Variants in TMC1 observed in about 807,000 individuals in gnomAD.
TMC1 encodes transmembrane channel-like protein 1.
Under a neutral mutation model 105.8 loss-of-function variants are expected in TMC1, and 84 were observed. That is an observed-to-expected ratio of 0.79 (90% CI 0.67 to 0.95). The LOEUF (loss-of-function observed/expected upper bound fraction) is 0.95, where lower values mean the gene tolerates loss of function less well. TMC1 is among the 40% of genes least tolerant of loss of function. The probability of loss-of-function intolerance (pLI) is 0.00; values close to 1 mark genes in which losing one functional copy is unlikely to be tolerated. For synonymous variants in TMC1, 315 were observed against 311.5 expected, an observed-to-expected ratio of 1.01 and a Z score of -0.12; for missense variants, 817 against 914.1, an observed-to-expected ratio of 0.89 and a Z score of 1.37.
At chr9:72,562,958 C>T (rs1824083692) in intron 1 of TMC1, among the ~76,000 whole-genome samples, 2 of 151,974 alleles carry the variant, frequency 1.3e-5, no homozygotes, top group Non-Finnish European at 2.9e-5. Flanking sequence ...GAACAAGACT[C>T]CGTCTCAAAT....
intron 17 of TMC1, among the ~76,000 whole-genome samples, chr9:72,799,348 A>G (rs1828430027): frequency 6.6e-6 from 1 of 152,126 alleles, no homozygotes; most frequent in African/African-American, 2.4e-5. Flanking sequence ...ATAAAAATTG[A>G]AGGACTAGCA....
chr9:72,644,432 G>T (rs993727237), intron 4 of TMC1, among the ~76,000 whole-genome samples: 1 of 151,972 alleles, frequency 6.6e-6, no homozygotes, highest in African/African-American at 2.4e-5. Flanking sequence ...GTTAATTTTT[G>T]TATATGGTAT....
At chr9:72,728,291 T>A (rs1430781744) in intron 8 of TMC1, among the ~76,000 whole-genome samples, 1 of 152,152 alleles carries the variant, frequency 6.6e-6, no homozygotes, top group Non-Finnish European at 1.5e-5. Flanking sequence ...ATGGGGGAAC[T>A]AATGGAAAAT....
In TMC1 at chr9:72,629,051, A is replaced by G. The variant is rs544847809; in HGVS notation, c.-53+988A>G. Among the ~76,000 whole-genome samples the G allele has an allele frequency of 2.7e-3, 415 of 152,304 alleles. 3 individuals carry two copies. Among genetic ancestry groups the G allele is most frequent in the Middle Eastern group, 0.014 (4 of 294 alleles). ...GTCTACTATTTATTGAGCCACTACT[A>G]TATGCCATATTCTTTACCTATGTTC... On this transcript the variant is annotated intron_variant, in intron 4 of 23. Coordinates refer to ENST00000297784, the MANE Select transcript of TMC1 (RefSeq NM_138691.3).
At chr9:72,653,999 A>G (rs888134569) in intron 5 of TMC1, among the ~76,000 whole-genome samples, 4 of 152,160 alleles carry the variant, frequency 2.6e-5, no homozygotes, top group Non-Finnish European at 5.9e-5. Flanking sequence ...GTAGTATTCT[A>G]TTGTATACGT....
At position 72,823,776 on chromosome 9, in the gene TMC1, C is replaced by A. The variant is rs117923018; in HGVS notation, c.2003+2695C>A. ...TTATAGTTCTCTAGGTTTTTATATA[C>A]ATCCCTGCTTACATTATGACAATTT... is the stretch of plus-strand genomic sequence containing the variant. On this transcript the variant is annotated intron_variant, in intron 20 of 23. Coordinates refer to ENST00000297784, the MANE Select transcript of TMC1 (RefSeq NM_138691.3). Among the ~76,000 whole-genome samples, 1,281 of 152,330 alleles carry A rather than the reference C, an allele frequency of 8.4e-3. 11 individuals carry two copies. The highest frequency in any genetic ancestry group is 0.034 in the Middle Eastern group (10 of 294).
intron 4 of TMC1, among the ~76,000 whole-genome samples, chr9:72,643,583 C>T (rs748326252): frequency 7.9e-5 from 12 of 152,102 alleles, no homozygotes; most frequent in Non-Finnish European, 1.6e-4. Context: ...TTCTTTCATG[C>T]AGCACAATTA....
chr9:72,581,287 A>G (rs907177802), intron 2 of TMC1, among the ~76,000 whole-genome samples: 2 of 152,164 alleles, frequency 1.3e-5, no homozygotes, highest in African/African-American at 4.8e-5. Flanking sequence ...ATTTTTCTCT[A>G]GTTATGTTTA....
chr9:72,629,213 C>A (rs1424043970), intron 4 of TMC1, among the ~76,000 whole-genome samples: 2 of 152,114 alleles, frequency 1.3e-5, no homozygotes, highest in Non-Finnish European at 2.9e-5. Context: ...GAGTTTGAAC[C>A]TAAGTCTGAT....
In TMC1 at chr9:72,621,058, T is replaced by A. The variant is rs545003928; in HGVS notation, c.-196+4581T>A. Among the ~76,000 whole-genome samples the A allele has an allele frequency of 9.2e-5, 14 of 152,300 alleles. No homozygotes were observed. In the East Asian group the frequency reaches 2.7e-3, roughly 29 times the overall value. On this transcript the variant is annotated intron_variant, in intron 3 of 23. Coordinates refer to ENST00000297784, the MANE Select transcript of TMC1 (RefSeq NM_138691.3). ...GAAGGCTCCCCTTATGAGGTTAATT[T>A]CTTTAAAATGGTGAATTGCCCTTAT...
At chr9:72,721,554 A>C (rs1458743913) in intron 8 of TMC1, among the ~76,000 whole-genome samples, 2 of 152,166 alleles carry the variant, frequency 1.3e-5, no homozygotes, top group African/African-American at 2.4e-5. Flanking sequence ...CTCAATTAAA[A>C]ACTTACGAGG....
Position 72,747,078 on chromosome 9 carries a change from T to A in TMC1, c.535+4553T>A, listed in dbSNP as rs533168505. Among the ~76,000 whole-genome samples the A allele has an allele frequency of 1.9e-4, 29 of 152,328 alleles. 1 individual carries two copies. Among genetic ancestry groups the A allele is most frequent in the African/African-American group, 7.0e-4 (29 of 41,564 alleles). The stretch of plus-strand genomic sequence containing the variant: ...TTACAAATTTTTCTCAGGATCAAAA[T>A]CTACTTTTTCCTAATAGTAGATTGC... On this transcript the variant is annotated intron_variant, in intron 10 of 23. Coordinates refer to ENST00000297784, the MANE Select transcript of TMC1 (RefSeq NM_138691.3).
chr9:72,703,268 A>G (rs1489320584), intron 8 of TMC1, among the ~76,000 whole-genome samples: 1 of 151,908 alleles, frequency 6.6e-6, no homozygotes, highest in Non-Finnish European at 1.5e-5. Context: ...CTGGGACTAT[A>G]TGTGCACACT....
chr9:72,773,565 TG>T (rs1827964495), intron 13 of TMC1, among the ~76,000 whole-genome samples: 2 of 152,176 alleles, frequency 1.3e-5, no homozygotes, highest in African/African-American at 4.8e-5. Context: ...CCTGCTAAAG[TG>T]TAATCAGAGA....
At chr9:72,596,226 C>A (rs1824717555) in intron 2 of TMC1, among the ~76,000 whole-genome samples, 1 of 152,196 alleles carries the variant, frequency 6.6e-6, no homozygotes, top group Non-Finnish European at 1.5e-5. Flanking sequence ...CTTGCTCTTA[C>A]TGTCTGCCCA....
chr9:72,548,724 G>T (rs529761622), intron 1 of TMC1, among the ~76,000 whole-genome samples: 1 of 152,122 alleles, frequency 6.6e-6, no homozygotes, highest in South Asian at 2.1e-4. Flanking sequence ...AGTGGCTCAC[G>T]CCTGTAATCC....
chr9:72,804,308 T>C (rs768629442), intron 17 of TMC1, among the ~76,000 whole-genome samples: 3 of 152,106 alleles, frequency 2.0e-5, no homozygotes, highest in Non-Finnish European at 2.9e-5. Context: ...GATGGATTGA[T>C]AGGTGCAGCA....
At chr9:72,524,009 T>G (rs2132052127) in intron 1 of TMC1, among the ~76,000 whole-genome samples, 1 of 152,338 alleles carries the variant, frequency 6.6e-6, no homozygotes, top group East Asian at 1.9e-4. Context: ...TATTACCCTT[T>G]GCAGTGAGGT....
chr9:72,606,310 G>A (rs908160438), intron 2 of TMC1, among the ~76,000 whole-genome samples: 4 of 151,950 alleles, frequency 2.6e-5, no homozygotes, highest in Non-Finnish European at 5.9e-5. Context: ...CATGGAATGG[G>A]GGTTGGGGAT....
Sources: gnomAD v4.1 joint callset for allele counts (sites outside exome capture counted in the v4.1 genomes callset) on GRCh38, gnomAD v4.1.1 for gene constraint, MANE v1.5 for transcripts, NCBI Gene and HGNC (gene_info 2026-07-23, HGNC 2026-07-21) for gene names.